SCAF8: variants seen among roughly 807,000 people sequenced by gnomAD.
SCAF8 encodes SR-related CTD associated factor 8, also known as SR-related and CTD-associated factor 8.
In SCAF8, 23 loss-of-function variants were observed where a neutral mutation model predicts 140.5. The observed-to-expected ratio is 0.16, with a 90% CI of 0.12 to 0.23. The LOEUF (loss-of-function observed/expected upper bound fraction) is 0.23. Among genes scored for constraint, SCAF8 ranks in the 10% least tolerant of loss-of-function variants. The probability of loss-of-function intolerance (pLI) is 1.00; values close to 1 mark genes in which losing one functional copy is unlikely to be tolerated. For synonymous variants in SCAF8, 575 were observed against 528.9 expected, an observed-to-expected ratio of 1.09 and a Z score of -1.20; for missense variants, 1,397 against 1,555.7, an observed-to-expected ratio of 0.90 and a Z score of 1.72.
chr6:154,800,136 C>T (rs977168148), intron 6 of SCAF8, among the ~76,000 whole-genome samples: 8 of 151,428 alleles, frequency 5.3e-5, no homozygotes, highest in East Asian at 3.9e-4. Flanking sequence ...TTTACACTCC[C>T]GTTCTCTCTC....
At position 154,784,140 on chromosome 6, in the gene SCAF8, TATATATATATATATA is replaced by T. The variant is rs1562444137; in HGVS notation, c.160-3720_160-3706del. Among the ~76,000 whole-genome samples the T allele has an allele frequency of 1.0e-4, 9 of 88,434 alleles. 1 individual carries two copies. Among genetic ancestry groups the T allele is most frequent in the Admixed American group, 5.2e-4 (5 of 9,550 alleles). The allele number at this position is 88,434 out of a possible 152,430, so 58.0% of individuals were successfully genotyped here. On this transcript the variant is annotated intron_variant, in intron 3 of 19. Coordinates refer to ENST00000367178, the MANE Select transcript of SCAF8 (RefSeq NM_014892.5). ...CTTGAGATATATATATATATATATA[TATATATATATATATA>T]TATTTATTTATTTATTTTTCATGTA...
intron 4 of SCAF8, among the ~76,000 whole-genome samples, chr6:154,789,254 G>A (rs1236031824): frequency 1.3e-5 from 2 of 149,356 alleles, no homozygotes; most frequent in Non-Finnish European, 3.0e-5. Flanking sequence ...GATTACAGGC[G>A]CCCGCCACCA....
chr6:154,756,995 G>T (rs900325211), intron 1 of SCAF8, among the ~76,000 whole-genome samples: 4 of 151,868 alleles, frequency 2.6e-5, no homozygotes, highest in East Asian at 2.0e-4. Context: ...CTGCACTCCA[G>T]CCTGGGTGAC....
intron 4 of SCAF8, among the ~76,000 whole-genome samples, chr6:154,791,916 T>C (rs1368500784): frequency 2.0e-5 from 3 of 152,240 alleles, no homozygotes; most frequent in Admixed American, 6.5e-5. Flanking sequence ...GATGCAGTGC[T>C]GCAGTTCAGG....
intron 19 of SCAF8, 32 bp from the exon 20 acceptor site, chr6:154,831,905 ATT>A: frequency 6.5e-7 from 1 of 1,543,016 alleles, no homozygotes; most frequent in African/African-American, 1.4e-5. Flanking sequence ...TTTGACTGTT[ATT>A]TTGAGTTTTT....
At chr6:154,785,400 C>G (rs529621290) in intron 3 of SCAF8, among the ~76,000 whole-genome samples, 10 of 152,296 alleles carry the variant, frequency 6.6e-5, no homozygotes, top group Non-Finnish European at 1.0e-4. Flanking sequence ...TTCACCATGG[C>G]TAGATAATAC....
rs778783627 is a variant in SCAF8, at chr6:154,805,397, T to C, written c.892T>C (p.Ser298Pro). ...TCACGTTTCAGAATCTGTGAACAAT[T>C]CCATTTTTCATCAGATAGCAGAACA... is the stretch of plus-strand genomic sequence containing the variant. ...LSHVSESVNN[S>P]IFHQIAEQLQ... Residue 298 changes from serine (S) to proline (P), a missense_variant, in exon 9 of 20, where the codon TCC (serine) becomes CCC (proline). This residue lies in a region of SCAF8 where 339 missense variants were observed against 407.5 expected (regional missense o/e 0.83). Coordinates refer to ENST00000367178, the MANE Select transcript of SCAF8 (RefSeq NM_014892.5). 2.5e-6 allele frequency: 4 copies of C among 1,610,648 alleles called. No homozygotes were observed. In the Admixed American group the frequency reaches 6.7e-5, roughly 27 times the overall value.
chr6:154,735,936 C>T (rs753460207), intron 1 of SCAF8, among the ~76,000 whole-genome samples: 1 of 151,560 alleles, frequency 6.6e-6, no homozygotes, highest in Non-Finnish European at 1.5e-5. Flanking sequence ...AAGGGGTCCT[C>T]CTCTCACCTC....
chr6:154,774,291 T>G (rs566419746), intron 2 of SCAF8, among the ~76,000 whole-genome samples: 1 of 152,164 alleles, frequency 6.6e-6, no homozygotes, highest in Non-Finnish European at 1.5e-5. Flanking sequence ...AGACAATGTC[T>G]TATTCTGTCA....
At chr6:154,805,687 T>C (rs766912209) in intron 9 of SCAF8, among the ~76,000 whole-genome samples, 1 of 152,092 alleles carries the variant, frequency 6.6e-6, no homozygotes, top group Non-Finnish European at 1.5e-5. Context: ...AAGACCATTT[T>C]TTTCAGGACC....
chr6:154,778,769 ATGTGTGTGTGTGTGTGTGTGTGTG>A (rs71021079), intron 3 of SCAF8, among the ~76,000 whole-genome samples: 3 of 142,060 alleles, frequency 2.1e-5, no homozygotes, highest in Admixed American at 7.2e-5. Flanking sequence ...GTCTCAAAAA[ATGTGTGTGTGTGTGTGTGTGTGTG>A]TGTGTGTGTG....
At chr6:154,798,043 C>T (rs1253594128) in intron 6 of SCAF8, among the ~76,000 whole-genome samples, 1 of 151,356 alleles carries the variant, frequency 6.6e-6, no homozygotes, top group African/African-American at 2.4e-5. Context: ...TTCACTCAAC[C>T]TTCAGCAAAC....
Position 154,827,182 on chromosome 6 carries a change from G to C in SCAF8, c.2082G>C (p.Pro694=), listed in dbSNP as rs138400958. Residue 694 remains proline, a synonymous_variant, in exon 18 of 20, where the codon CCG becomes CCC. Coordinates refer to ENST00000367178, the MANE Select transcript of SCAF8 (RefSeq NM_014892.5). The part of the protein sequence containing the change: ...NPSQPPPGFM[P]PPVPPPVVPP... ...TTTTTTTCTGTCTAGGTTTCATGCCGCCTCCAGTTCCCCCACCTGTTGTGC... is the reference window on the plus strand; with the variant it reads ...TTTTTTTCTGTCTAGGTTTCATGCCCCCTCCAGTTCCCCCACCTGTTGTGC... 1 of 1,598,100 alleles carries C rather than the reference G, an allele frequency of 6.3e-7. No homozygotes were observed. The highest frequency in any genetic ancestry group is 8.5e-7 in the Non-Finnish European group (1 of 1,174,134).
At chr6:154,782,174 G>T (rs1403965946) in intron 3 of SCAF8, among the ~76,000 whole-genome samples, 3 of 152,156 alleles carry the variant, frequency 2.0e-5, no homozygotes, top group Non-Finnish European at 4.4e-5. Flanking sequence ...CTAGCAGTTT[G>T]GGAGGGGCCA....
intron 16 of SCAF8, among the ~76,000 whole-genome samples, chr6:154,823,517 C>G (rs1294008213): frequency 2.0e-5 from 3 of 151,988 alleles, no homozygotes; most frequent in Non-Finnish European, 2.9e-5. Flanking sequence ...GTGTTGTAGC[C>G]AACAGGACTT....
intron 11 of SCAF8, among the ~76,000 whole-genome samples, chr6:154,809,231 TTTTC>T (rs558012776): frequency 2.0e-5 from 3 of 152,216 alleles, no homozygotes; most frequent in South Asian, 4.1e-4. Flanking sequence ...TAGGAAACAG[TTTTC>T]TTTATGAGCT....
At chr6:154,747,684 T>G (rs977564812) in intron 1 of SCAF8, among the ~76,000 whole-genome samples, 14 of 152,132 alleles carry the variant, frequency 9.2e-5, no homozygotes, top group Non-Finnish European at 2.9e-5. Context: ...CAGAACAGTA[T>G]AGCTCATAAA....
Position 154,832,560 on chromosome 6 carries a change from T to C in SCAF8, c.2981T>C (p.Val994Ala). The change falls in exon 20 of 20, where the codon GTT (valine) becomes GCT (alanine). Residue 994 changes from valine (V) to alanine (A), a missense_variant. Around this residue, in one of 5 missense-constraint regions of SCAF8, gnomAD observed 930 missense variants for 874.6 expected, o/e 1.06. Coordinates refer to ENST00000367178, the MANE Select transcript of SCAF8 (RefSeq NM_014892.5). Reference sequence around the variant, plus strand: ...CCTGGAAGACAAAGCGTAGACAATGTTACTAACCCAGAAAAAAGGATACCA... The same window carrying C: ...CCTGGAAGACAAAGCGTAGACAATGCTACTAACCCAGAAAAAAGGATACCA... ...LAPGRQSVDN[V>A]TNPEKRIPLG... is the part of the protein sequence containing the mutation. The C allele has an allele frequency of 6.2e-7, 1 of 1,614,106 alleles. No individual in the cohort carries two copies. Among genetic ancestry groups the C allele is most frequent in the South Asian group, 1.1e-5 (1 of 91,086 alleles).
intron 12 of SCAF8, among the ~76,000 whole-genome samples, chr6:154,815,418 CACTGCA>C (rs1778218633): frequency 3.3e-5 from 5 of 152,198 alleles, no homozygotes; most frequent in Admixed American, 2.0e-4. Context: ...CTGTCTTTGA[CACTGCA>C]TGCCACTCAT....
Sources: gnomAD v4.1 joint callset for allele counts (sites outside exome capture counted in the v4.1 genomes callset) on GRCh38, gnomAD v4.1.1 for gene constraint, gnomAD v4.1.1 regional missense constraint, MANE v1.5 for transcripts, NCBI Gene and HGNC (gene_info 2026-07-23, HGNC 2026-07-21) for gene names.